NAA38: variants seen among roughly 807,000 people sequenced by gnomAD.
The protein encoded by NAA38 is LSM domain containing 1.
In NAA38, 15 loss-of-function variants were observed where a neutral mutation model predicts 12.6. That is an observed-to-expected ratio of 1.19 (90% confidence interval 0.79 to 1.83). The LOEUF (loss-of-function observed/expected upper bound fraction) is 1.83. Among genes scored for constraint, NAA38 ranks in the 40% most tolerant of loss-of-function variants. The probability of loss-of-function intolerance (pLI) is 0.00; values close to 1 mark genes in which losing one functional copy is unlikely to be tolerated. For missense variants in NAA38, 183 were observed against 171.7 expected, an observed-to-expected ratio of 1.07 and a Z score of -0.37; for synonymous variants, 88 against 69.9, an observed-to-expected ratio of 1.26 and a Z score of -1.29.
intron 2 of NAA38, among the ~76,000 whole-genome samples, chr17:7,874,263 G>A (rs1967135912): frequency 6.6e-6 from 1 of 152,102 alleles, no homozygotes; most frequent in Admixed American, 6.5e-5. Flanking sequence ...AGAAAGTTGT[G>A]GCCCAAGTTG....
intron 2 of NAA38, among the ~76,000 whole-genome samples, chr17:7,876,726 C>T (rs912343176): frequency 2.0e-5 from 3 of 152,054 alleles, no homozygotes; most frequent in African/African-American, 7.2e-5. Flanking sequence ...GTCTTTATCT[C>T]AAAAAATGTC....
chr17:7,857,342 C>G, intron 1 of NAA38, 41 bp downstream of exon 1: 1 of 1,613,192 alleles, frequency 6.2e-7, no homozygotes, highest in Non-Finnish European at 8.5e-7. Flanking sequence ...CATCTTGCTG[C>G]TTGACTGCCC....
At chr17:7,858,400 A>T (rs76087857), upstream of NAA38, 5,103 of 1,614,044 alleles carry the variant, frequency 3.2e-3, 144 homozygotes, top group African/African-American at 0.06. Flanking sequence ...TGCTCTTTTC[A>T]AGGGAACCTG....
upstream of NAA38, chr17:7,858,038 T>A: frequency 6.4e-7 from 1 of 1,553,070 alleles, no homozygotes. Flanking sequence ...CGCTCTCCCC[T>A]CGGCTCCCGG....
Position 7,867,528 on chromosome 17 carries a change from G to A in NAA38, c.-65-970C>T, listed in dbSNP as rs572054742. Among the ~76,000 whole-genome samples, 9 of 152,154 alleles carry A rather than the reference G, an allele frequency of 5.9e-5. No individual in the cohort carries two copies. In the South Asian group the frequency reaches 8.3e-4, roughly 14 times the overall value. On this transcript the variant is annotated intron_variant, in intron 2 of 4. Transcript: ENST00000576861. ...TAATTTTTGTATTTTTAGTAGAGACGGGGTTTCACCATGTTGGCCAGGCTG... is the reference window on the plus strand; with the variant it reads ...TAATTTTTGTATTTTTAGTAGAGACAGGGTTTCACCATGTTGGCCAGGCTG...
rs764245628 is a variant in NAA38 at position 7,857,132 on chromosome 17, T to A, written c.148A>T (p.Asn50Tyr). The change falls in exon 2 of 3, where the codon AAC becomes TAC. Residue 50 changes from asparagine to tyrosine, a missense_variant. Coordinates refer to ENST00000575771, the MANE Select transcript of NAA38 (RefSeq NM_001320925.4). ...GTCATGCGAATGCGCATAGTCTTGT[T>A]GAGCAGCGCCTCTAGCTGCTGTCGG... ...RARQQLEALL[N>Y]KTMRIRMTDG... The A allele has an allele frequency of 6.2e-7, 1 of 1,613,288 alleles. No homozygotes were observed. Among genetic ancestry groups the A allele is most frequent in the Non-Finnish European group, 8.5e-7 (1 of 1,180,032 alleles).
rs567588074 is a variant in NAA38 at position 7,884,381 on chromosome 17, G to A, written c.-167+784C>T. ...TCAGCTCTGAGAAATATTTCTGAGCGCCCCCCTCAGAATTTAAATATATTT... is the reference window on the plus strand; with the variant it reads ...TCAGCTCTGAGAAATATTTCTGAGCACCCCCCTCAGAATTTAAATATATTT... On this transcript the variant is annotated intron_variant, in intron 1 of 4. Coordinates refer to the NAA38 transcript ENST00000576861. Among the ~76,000 whole-genome samples, 79 of 148,594 alleles carry A rather than the reference G, an allele frequency of 5.3e-4. 1 individual carries two copies. The South Asian group carries it at 0.013, about 25-fold the overall frequency.
rs1597869590 is a variant in NAA38 at position 7,856,843 on chromosome 17, T to C, written c.266A>G (p.Asp89Gly). Residue 89 changes from aspartate to glycine, a missense_variant and splice_region_variant, in exon 3 of 3, where the codon GAT becomes GGT. Asp to Gly is a moderately conservative substitution (Grantham distance 94). Transcript: ENST00000575771. ...ACGGGGCTCCCCGGCAGAGAAGGAA[T>C]CTGGAAAGAAGGATCAGAGCATCAG... The part of the protein sequence containing the change: ...GSAQEFLKPS[D>G]SFSAGEPRVL... 1.9e-6 allele frequency: 3 copies of C among 1,613,490 alleles called. No homozygotes were observed. The highest frequency in any genetic ancestry group is 2.5e-6 in the Non-Finnish European group (3 of 1,179,930).
chr17:7,870,483 C>G (rs1001779731), intron 2 of NAA38, among the ~76,000 whole-genome samples: 1 of 152,212 alleles, frequency 6.6e-6, no homozygotes, highest in East Asian at 1.9e-4. Context: ...AACAAAAAAT[C>G]TTTTAATCGA....
intron 2 of NAA38, among the ~76,000 whole-genome samples, chr17:7,875,865 G>C (rs1967166587): frequency 6.6e-6 from 1 of 152,040 alleles, no homozygotes; most frequent in African/African-American, 2.4e-5. Flanking sequence ...GCCTATTCTG[G>C]ACATTTCATA....
exon 3 of NAA38, chr17:7,866,530 CTT>C (rs1044133490): frequency 8.1e-7 from 1 of 1,231,328 alleles, no homozygotes; most frequent in Non-Finnish European, 1.0e-6. Context: ...TCAGGCTCTT[CTT>C]TGTCTCCCAC....
At position 7,884,864 on chromosome 17, in the gene NAA38, G is replaced by A. The variant is rs1377066515; in HGVS notation, c.-167+301C>T. ...GGAGGAGGAGATGGTGGTGTCGGAGGAGGAAGAAGAGGAGGAAGAAGAGGG... is the reference window on the plus strand; with the variant it reads ...GGAGGAGGAGATGGTGGTGTCGGAGAAGGAAGAAGAGGAGGAAGAAGAGGG... On this transcript the variant is annotated intron_variant, in intron 1 of 4. Coordinates refer to the NAA38 transcript ENST00000576861. 8.0e-7 allele frequency: 1 copy of A among 1,242,620 alleles called. No individual in the cohort carries two copies. Among genetic ancestry groups the A allele is most frequent in the Non-Finnish European group, 1.1e-6 (1 of 913,220 alleles). The allele number at this position is 1,242,620 out of a possible 1,614,324, so 77.0% of individuals were successfully genotyped here. A position where few individuals can be genotyped will look rare whatever the true frequency, so the allele number is the denominator to read the frequency against.
intron 1 of NAA38, chr17:7,883,481 G>A (rs936224499): frequency 1.3e-5 from 2 of 152,104 alleles, no homozygotes; most frequent in African/African-American, 4.8e-5. Flanking sequence ...AGGGGAAAGC[G>A]AGGGAAAGGG....
At position 7,869,027 on chromosome 17, in the gene NAA38, C is replaced by T. The variant is rs183536406; in HGVS notation, c.-65-2469G>A. On this transcript the variant is annotated intron_variant, in intron 2 of 4. Coordinates refer to the NAA38 transcript ENST00000576861. ...CCTAAAGGATTTTAAGGTGCTTAAGCTCGTAACTCAGGTTGTGAATCTTCT... is the reference window on the plus strand; with the variant it reads ...CCTAAAGGATTTTAAGGTGCTTAAGTTCGTAACTCAGGTTGTGAATCTTCT... 3.3e-5 allele frequency among the ~76,000 whole-genome samples: 5 copies of T among 152,288 alleles called. No homozygotes were observed. In the East Asian group the frequency reaches 9.6e-4, roughly 29 times the overall value.
chr17:7,859,745 C>T, upstream of NAA38: 2 of 753,086 alleles, frequency 2.7e-6, no homozygotes, highest in East Asian at 2.6e-5. Context: ...CTAGCCTGTG[C>T]CCTTCTGAAG....
intron 2 of NAA38, among the ~76,000 whole-genome samples, chr17:7,878,565 T>A (rs886907546): frequency 6.6e-6 from 1 of 151,692 alleles, no homozygotes; most frequent in African/African-American, 2.4e-5. Flanking sequence ...CTGCTAGAAA[T>A]CCAAAAAATT....
chr17:7,866,547 G>A (rs1966986794), exon 3 of NAA38: 1 of 1,229,806 alleles, frequency 8.1e-7, no homozygotes, highest in East Asian at 3.2e-5. Context: ...TCCCACGTTG[G>A]CCTTTCAGTT....
rs150170028 is a variant in NAA38 at position 7,881,700 on chromosome 17, T to C, written c.-66+1535A>G. On this transcript the variant is annotated intron_variant, in intron 2 of 4. Transcript: ENST00000576861. ...AGGGAGGCAAGGGAAAAGGAGGAAC[T>C]TAACAGGCACAAATAAGAGAAGGAA... 1.3e-3 allele frequency among the ~76,000 whole-genome samples: 196 copies of C among 147,472 alleles called. 1 individual carries two copies. The highest frequency in any genetic ancestry group is 4.6e-3 in the African/African-American group (182 of 39,978).
chr17:7,863,331 T>A (rs1966905994), intron 3 of NAA38: 1 of 151,980 alleles, frequency 6.6e-6, no homozygotes, highest in Non-Finnish European at 1.5e-5. Context: ...ATCTCTTTTG[T>A]GTTAGAGGGT....
Sources: gnomAD v4.1 joint callset for allele counts (sites outside exome capture counted in the v4.1 genomes callset) on GRCh38, gnomAD v4.1.1 for gene constraint, MANE v1.5 for transcripts, NCBI Gene and HGNC (gene_info 2026-07-23, HGNC 2026-07-21) for gene names.